NREP: variants seen among roughly 807,000 people sequenced by gnomAD.
The protein encoded by NREP is neuronal regeneration related protein.
Under a neutral mutation model 8.6 loss-of-function variants are expected in NREP, and 5 were observed. That is an observed-to-expected ratio of 0.58 (90% CI 0.30 to 1.22). The LOEUF is 1.22. Among genes scored for constraint, NREP ranks in the 50% most tolerant of loss-of-function variants. The pLI is 0.07. For synonymous variants in NREP, 27 were observed against 28.0 expected (o/e 0.96, Z 0.11); for missense variants, 86 against 82.5 (o/e 1.04, Z -0.17).
chr5:111,880,844 A>G (rs1335748257), intron 2 of NREP, among the ~76,000 whole-genome samples: 1 of 148,862 alleles, frequency 6.7e-6, no homozygotes, highest in Non-Finnish European at 1.5e-5. Context: ...TCATAGAGGC[A>G]GCCAAGATGG....
chr5:111,853,607 G>A (rs1753359121), intron 2 of NREP, among the ~76,000 whole-genome samples: 1 of 151,798 alleles, frequency 6.6e-6, no homozygotes, highest in Non-Finnish European at 1.5e-5. Context: ...TTAAATAGAA[G>A]CACTCAGTAA....
chr5:111,950,909 A>G (rs758008434), intron 2 of NREP, among the ~76,000 whole-genome samples: 3 of 152,070 alleles, frequency 2.0e-5, no homozygotes, highest in Non-Finnish European at 4.4e-5. Context: ...TGCATCCTCC[A>G]TGAGCTTAAG....
intron 2 of NREP, among the ~76,000 whole-genome samples, chr5:111,832,299 C>T (rs959763843): frequency 4.6e-5 from 7 of 152,072 alleles, no homozygotes; most frequent in African/African-American, 1.7e-4. Flanking sequence ...AGGCAGATCA[C>T]TAGAGCTCAT....
At chr5:111,904,190 G>C (rs1470554382) in intron 2 of NREP, among the ~76,000 whole-genome samples, 1 of 151,916 alleles carries the variant, frequency 6.6e-6, no homozygotes, top group Non-Finnish European at 1.5e-5. Flanking sequence ...TGTTACTATT[G>C]ATGAACCAAT....
At chr5:111,753,374 G>T (rs1750499770) in intron 2 of NREP, among the ~76,000 whole-genome samples, 2 of 145,942 alleles carry the variant, frequency 1.4e-5, no homozygotes, top group Non-Finnish European at 3.0e-5. Flanking sequence ...ATGATATGTA[G>T]ATATATATAG....
At chr5:111,961,248 A>G (rs1467513880) in intron 2 of NREP, among the ~76,000 whole-genome samples, 1 of 152,242 alleles carries the variant, frequency 6.6e-6, no homozygotes, top group Non-Finnish European at 1.5e-5. Flanking sequence ...TAAGCGGGAC[A>G]GAAACTGAGC....
At chr5:111,965,828 T>C (rs1468819749) in intron 2 of NREP, among the ~76,000 whole-genome samples, 1 of 152,176 alleles carries the variant, frequency 6.6e-6, no homozygotes, top group Non-Finnish European at 1.5e-5. Flanking sequence ...TGTATTGGGA[T>C]TCAAATAAGG....
At chr5:111,815,407 A>G (rs888291913) in intron 2 of NREP, among the ~76,000 whole-genome samples, 2 of 152,160 alleles carry the variant, frequency 1.3e-5, no homozygotes, top group Non-Finnish European at 2.9e-5. Flanking sequence ...GTATAAAACT[A>G]TCTACAGCTT....
intron 2 of NREP, among the ~76,000 whole-genome samples, chr5:111,897,044 A>C (rs941611968): frequency 3.9e-5 from 6 of 152,140 alleles, no homozygotes; most frequent in African/African-American, 1.4e-4. Context: ...TCACTCTATT[A>C]GATTCAAACC....
intron 2 of NREP, among the ~76,000 whole-genome samples, chr5:111,842,319 G>C (rs1406452078): frequency 6.6e-6 from 1 of 152,148 alleles, no homozygotes; most frequent in Non-Finnish European, 1.5e-5. Context: ...ATTCCTTCCA[G>C]AGGATTTTCA....
chr5:111,830,159 T>TTTG (rs1554101728), intron 2 of NREP, among the ~76,000 whole-genome samples: 16 of 152,256 alleles, frequency 1.1e-4, no homozygotes, highest in Admixed American at 3.9e-4. Flanking sequence ...AGCTGTTTTT[T>TTTG]TTGTTGTTGT....
intron 2 of NREP, among the ~76,000 whole-genome samples, chr5:111,914,416 T>C (rs1372707437): frequency 2.0e-5 from 3 of 152,132 alleles, no homozygotes; most frequent in African/African-American, 7.2e-5. Context: ...CACTTCCTTA[T>C]TTGAAGGTGT....
chr5:111,771,504 T>C (rs1376154081), intron 2 of NREP, among the ~76,000 whole-genome samples: 6 of 152,028 alleles, frequency 3.9e-5, no homozygotes, highest in Non-Finnish European at 8.8e-5. Context: ...GGCTCATGCC[T>C]GTAATCCCAG....
chr5:111,954,721 G>C (rs1034883500), intron 2 of NREP, among the ~76,000 whole-genome samples: 1 of 152,048 alleles, frequency 6.6e-6, no homozygotes, highest in African/African-American at 2.4e-5. Flanking sequence ...AGAGTGACAG[G>C]TTCCCTTCAT....
chr5:111,831,339 C>A (rs1752763106), intron 2 of NREP, among the ~76,000 whole-genome samples: 1 of 152,124 alleles, frequency 6.6e-6, no homozygotes, highest in Non-Finnish European at 1.5e-5. Context: ...TGCACCAGTT[C>A]CATCAGCCAA....
rs558331708 is a variant in NREP at position 111,928,586 on chromosome 5, CTAA to C, written c.135+46685_135+46687del. Among the ~76,000 whole-genome samples the C allele has an allele frequency of 1.0e-3, 154 of 152,254 alleles. 1 individual carries two copies. Among genetic ancestry groups the C allele is most frequent in the Non-Finnish European group, 1.8e-3 (120 of 68,006 alleles). ...CTGATGAAATAATGTGTTGCCCCCTCTAATATTTTTCTACTGGAGCCTCTCTTT... is the reference window on the plus strand; with the variant it reads ...CTGATGAAATAATGTGTTGCCCCCTCTATTTTTCTACTGGAGCCTCTCTTT... On this transcript the variant is annotated intron_variant, in intron 2 of 3. Coordinates refer to the NREP transcript ENST00000395634.
intron 2 of NREP, among the ~76,000 whole-genome samples, chr5:111,954,068 T>C (rs1180421838): frequency 6.6e-6 from 1 of 152,132 alleles, no homozygotes; most frequent in Non-Finnish European, 1.5e-5. Flanking sequence ...TGAATTGACA[T>C]TTAGCTTTCA....
intron 2 of NREP, among the ~76,000 whole-genome samples, chr5:111,904,263 T>A (rs949077348): frequency 1.3e-5 from 2 of 152,152 alleles, no homozygotes; most frequent in Non-Finnish European, 2.9e-5. Flanking sequence ...TAACACTGTT[T>A]GATGTGTTTT....
In NREP at chr5:111,730,543, G is replaced by GGT. The variant is rs138896342; in HGVS notation, c.*377_*378insAC. On this transcript the variant is annotated 3_prime_UTR_variant, in exon 4 of 4. Transcript: ENST00000257435. ...ACATCTAAATGAAAAAAAAGGTGGG[G>GGT]GGGGGACTCTCAGCCTCTGCAAGAA... 7,292 of 168,466 alleles carry GGT rather than the reference G, an allele frequency of 0.043. 234 individuals are homozygous for GGT. The highest frequency in any genetic ancestry group is 0.06 in the Non-Finnish European group (4,708 of 78,966). The allele number at this position is 168,466 out of a possible 1,614,324, so 10.4% of individuals were successfully genotyped here. A position where few individuals can be genotyped will look rare whatever the true frequency, so the allele number is the denominator to read the frequency against.
Sources: gnomAD v4.1 joint callset for allele counts (sites outside exome capture counted in the v4.1 genomes callset) on GRCh38, gnomAD v4.1.1 for gene constraint, MANE v1.5 for transcripts, NCBI Gene and HGNC (gene_info 2026-07-23, HGNC 2026-07-21) for gene names.